The following ROBO1 variants were observed in gnomAD, a reference collection of about 807,000 sequenced individuals.
The protein encoded by ROBO1 is roundabout guidance receptor 1.
Under a neutral mutation model 195.9 loss-of-function variants are expected in ROBO1, and 149 were observed. The observed-to-expected ratio is 0.76, with a 90% CI of 0.67 to 0.87. The LOEUF (loss-of-function observed/expected upper bound fraction) is 0.87, where lower values mean the gene tolerates loss of function less well. Ranked by LOEUF, ROBO1 falls within the 40% of genes least tolerant of loss-of-function variation. ROBO1 has a pLI of 0.00. For missense variants in ROBO1, 1,933 were observed against 2,068.3 expected (o/e 0.93, Z 1.27); for synonymous variants, 816 against 733.2 (o/e 1.11, Z -1.82).
chr3:78,835,117 A>G (rs2032594202), intron 4 of ROBO1, among the ~76,000 whole-genome samples: 1 of 152,128 alleles, frequency 6.6e-6, no homozygotes, highest in Admixed American at 6.6e-5. Flanking sequence ...TTTGTCATCT[A>G]GTTTTTTCAT....
At chr3:79,419,309 G>A (rs938568433) in intron 2 of ROBO1, among the ~76,000 whole-genome samples, 1 of 152,066 alleles carries the variant, frequency 6.6e-6, no homozygotes, top group Non-Finnish European at 1.5e-5. Flanking sequence ...TATTTAATTA[G>A]CCCCTCTTAT....
intron 3 of ROBO1, among the ~76,000 whole-genome samples, chr3:79,061,536 A>C (rs886442899): frequency 4.6e-5 from 7 of 152,210 alleles, no homozygotes; most frequent in African/African-American, 1.7e-4. Flanking sequence ...AAGAGCCCAT[A>C]TAGCCAAGAT....
At chr3:79,755,594 T>G (rs893553643) in intron 1 of ROBO1, among the ~76,000 whole-genome samples, 4 of 152,232 alleles carry the variant, frequency 2.6e-5, no homozygotes, top group Non-Finnish European at 5.9e-5. Context: ...TTTAAAAAAT[T>G]TAATGACACT....
chr3:79,349,774 G>C (rs997017261), intron 2 of ROBO1, among the ~76,000 whole-genome samples: 28 of 152,034 alleles, frequency 1.8e-4, no homozygotes, highest in African/African-American at 6.8e-4. Context: ...GCAAAAACTG[G>C]GCTCTTGTTT....
chr3:79,037,190 G>C (rs959822314), intron 3 of ROBO1, among the ~76,000 whole-genome samples: 2 of 152,112 alleles, frequency 1.3e-5, no homozygotes, highest in Non-Finnish European at 2.9e-5. Context: ...AAAATTTATT[G>C]ATGCTTTCAG....
intron 4 of ROBO1, among the ~76,000 whole-genome samples, chr3:78,885,909 T>TTATA (rs10651992): frequency 0.18 from 20,687 of 117,274 alleles, 1,927 homozygotes; most frequent in South Asian, 0.22. Context: ...TAGCAAAATT[T>TTATA]TATATATATA....
chr3:78,731,038 A>G (rs1026128507), intron 5 of ROBO1, among the ~76,000 whole-genome samples: 3 of 152,038 alleles, frequency 2.0e-5, no homozygotes, highest in Non-Finnish European at 2.9e-5. Context: ...ATAAAAATAA[A>G]CTCATCCTGA....
At chr3:79,282,010 G>GAACAAC (rs1576918024) in intron 2 of ROBO1, among the ~76,000 whole-genome samples, 1 of 152,090 alleles carries the variant, frequency 6.6e-6, no homozygotes, top group Non-Finnish European at 1.5e-5. Context: ...CTAAATTAGT[G>GAACAAC]CTGGAAATAC....
intron 2 of ROBO1, among the ~76,000 whole-genome samples, chr3:79,317,955 C>T (rs754679573): frequency 4.5e-4 from 68 of 152,002 alleles, no homozygotes; most frequent in Non-Finnish European, 8.4e-4. Context: ...AAGAAATTGG[C>T]TCATGTGGGA....
intron 4 of ROBO1, among the ~76,000 whole-genome samples, chr3:78,862,122 C>T (rs2034887345): frequency 6.6e-6 from 1 of 152,038 alleles, no homozygotes; most frequent in Admixed American, 6.6e-5. Context: ...ATCACAGGAG[C>T]TCTTAAAAGC....
intron 1 of ROBO1, among the ~76,000 whole-genome samples, chr3:79,701,337 G>T (rs1039598992): frequency 2.6e-5 from 4 of 151,480 alleles, no homozygotes; most frequent in Non-Finnish European, 4.4e-5. Flanking sequence ...TGAATTTTAA[G>T]ATAGTTTTTT....
chr3:78,623,689 A>G (rs1704584737), intron 26 of ROBO1, among the ~76,000 whole-genome samples: 1 of 152,216 alleles, frequency 6.6e-6, no homozygotes. Context: ...ACTTAGCAGA[A>G]CATTACTGTA....
intron 21 of ROBO1, among the ~76,000 whole-genome samples, chr3:78,644,599 T>A (rs532075855): frequency 1.3e-5 from 2 of 152,140 alleles, no homozygotes; most frequent in South Asian, 4.1e-4. Context: ...ATTTTTAACT[T>A]TAAAAAGCTA....
chr3:79,584,610 A>AGT (rs143360306), intron 2 of ROBO1, among the ~76,000 whole-genome samples: 6,378 of 131,640 alleles, frequency 0.048, 209 homozygotes, highest in African/African-American at 0.11. Context: ...TAGGTGGGTG[A>AGT]GTGTGTGTGT....
At chr3:79,763,010 A>T (rs1576333204) in intron 1 of ROBO1, among the ~76,000 whole-genome samples, 1 of 152,180 alleles carries the variant, frequency 6.6e-6, no homozygotes, top group African/African-American at 2.4e-5. Context: ...ACCACTTGGA[A>T]ATCTAAAGAG....
At chr3:78,604,812 G>A (rs893382376) in intron 29 of ROBO1, among the ~76,000 whole-genome samples, 6 of 152,152 alleles carry the variant, frequency 3.9e-5, no homozygotes, top group Non-Finnish European at 8.8e-5. Flanking sequence ...GTAGTTAAGT[G>A]CCCCTGTAGG....
intron 4 of ROBO1, among the ~76,000 whole-genome samples, chr3:78,889,271 A>C (rs1466647876): frequency 6.6e-6 from 1 of 152,226 alleles, no homozygotes; most frequent in Admixed American, 6.5e-5. Context: ...AGGATGAGCC[A>C]GGACAGCACA....
intron 3 of ROBO1, among the ~76,000 whole-genome samples, chr3:78,962,498 C>T (rs1347136337): frequency 7.6e-6 from 1 of 132,208 alleles, no homozygotes; most frequent in Non-Finnish European, 1.6e-5. Context: ...TTCCCTGGTA[C>T]TGTCAGAGAA....
intron 2 of ROBO1, among the ~76,000 whole-genome samples, chr3:79,490,090 T>C (rs1559936324): frequency 6.6e-6 from 1 of 152,236 alleles, no homozygotes; most frequent in Non-Finnish European, 1.5e-5. Context: ...TGTTGTCATA[T>C]AAATTCCTCG....
Sources: gnomAD v4.1 joint callset for allele counts (sites outside exome capture counted in the v4.1 genomes callset) on GRCh38, gnomAD v4.1.1 for gene constraint, MANE v1.5 for transcripts, NCBI Gene and HGNC (gene_info 2026-07-23, HGNC 2026-07-21) for gene names.